Variants in SMARCAL1 observed in about 807,000 individuals in gnomAD.
SMARCAL1 encodes SNF2 related chromatin remodeling annealing helicase 1.
SMARCAL1 carries 58 observed loss-of-function variants against 94.5 expected under a neutral mutation model. The ratio of observed to expected loss-of-function variants is 0.61; its 90% confidence interval spans 0.50 to 0.76. SMARCAL1 has a LOEUF of 0.76. Ranked by LOEUF, SMARCAL1 falls within the 30% of genes least tolerant of loss-of-function variation. SMARCAL1 has a pLI of 0.00. For missense variants in SMARCAL1, 1,051 were observed against 1,177.9 expected (o/e 0.89, Z 1.58); for synonymous variants, 422 against 455.1 (o/e 0.93, Z 0.93).
At chr2:216,417,758 A>G (rs1693631745) in intron 4 of SMARCAL1, among the ~76,000 whole-genome samples, 1 of 152,166 alleles carries the variant, frequency 6.6e-6, no homozygotes, top group Admixed American at 6.5e-5. Context: ...GGCTCTGGAT[A>G]AAGATTGCAG....
intron 13 of SMARCAL1, among the ~76,000 whole-genome samples, chr2:216,464,892 T>C (rs748494979): frequency 1.2e-4 from 18 of 152,156 alleles, no homozygotes; most frequent in Non-Finnish European, 2.2e-4. Flanking sequence ...ATGCCTGTAA[T>C]CCCAGCACTT....
At chr2:216,468,757 G>C (rs1694889545) in intron 14 of SMARCAL1, among the ~76,000 whole-genome samples, 1 of 152,092 alleles carries the variant, frequency 6.6e-6, no homozygotes, top group African/African-American at 2.4e-5. Flanking sequence ...GTCTTGCTGT[G>C]TTGCCCATGC....
Position 216,432,716 on chromosome 2 carries a change from A to G in SMARCAL1, c.1335-2A>G. ...TGCCATCCTCACCTTGTCTGCCTTC[A>G]GTTTTGCCATAGCCAAAGGAGGCCG... On this transcript the variant is annotated splice_acceptor_variant, in intron 7 of 17. Transcript: ENST00000357276. LOFTEE classifies it high-confidence loss of function. The G allele has an allele frequency of 1.2e-6, 2 of 1,614,066 alleles. No individual in the cohort carries two copies. Among genetic ancestry groups the G allele is most frequent in the Non-Finnish European group, 1.7e-6 (2 of 1,180,024 alleles).
At chr2:216,470,569 C>G (rs1036055983) in intron 14 of SMARCAL1, among the ~76,000 whole-genome samples, 7 of 151,088 alleles carry the variant, frequency 4.6e-5, no homozygotes, top group African/African-American at 1.7e-4. Context: ...CTCACTGAAG[C>G]CTAAACCTCC....
At chr2:216,464,974 C>G (rs1210836047) in intron 13 of SMARCAL1, among the ~76,000 whole-genome samples, 1 of 152,018 alleles carries the variant, frequency 6.6e-6, no homozygotes, top group Non-Finnish European at 1.5e-5. Context: ...AGTGAGACCC[C>G]ATTTATACAA....
chr2:216,432,900 A>G (rs752568407), intron 8 of SMARCAL1, 32 bp downstream of exon 8: 3 of 1,613,746 alleles, frequency 1.9e-6, no homozygotes, highest in Non-Finnish European at 1.7e-6. Context: ...GTTTTCACAG[A>G]GAAGGTTTTC....
chr2:216,422,182 G>T (rs1275625182), intron 5 of SMARCAL1, among the ~76,000 whole-genome samples: 1 of 152,100 alleles, frequency 6.6e-6, no homozygotes, highest in Non-Finnish European at 1.5e-5. Flanking sequence ...AGGAGTTCGA[G>T]ACCAGCCTGG....
chr2:216,462,399 C>G (rs1397702771), intron 12 of SMARCAL1, among the ~76,000 whole-genome samples: 2 of 152,140 alleles, frequency 1.3e-5, no homozygotes, highest in African/African-American at 4.8e-5. Context: ...GTAAGCCTGC[C>G]CTGCCCCTTT....
At position 216,415,413 on chromosome 2, in the gene SMARCAL1, C is replaced by G; in HGVS notation, c.709C>G (p.Gln237Glu). The part of the protein sequence containing the change: ...GSSVQKGVNS[Q>E]KGKCVRNGDR... ...CTCAGTCCAAAAAGGAGTGAACTCT[C>G]AGAAGGGAAAGTGCGTAAGGAACGG... Residue 237 changes from glutamine to glutamate, a missense_variant, in exon 3 of 18, where the codon CAG becomes GAG. Transcript: ENST00000357276. 2 of 1,614,196 alleles carry G rather than the reference C, an allele frequency of 1.2e-6. No individual in the cohort carries two copies. Among genetic ancestry groups the G allele is most frequent in the East Asian group, 2.2e-5 (1 of 44,886 alleles).
chr2:216,443,440 C>T (rs1255366409), intron 10 of SMARCAL1, among the ~76,000 whole-genome samples: 2 of 150,186 alleles, frequency 1.3e-5, no homozygotes, highest in Admixed American at 6.6e-5. Context: ...GATATATTCT[C>T]ATTATAATAT....
Position 216,482,373 on chromosome 2 carries a change from G to A in SMARCAL1, c.2626-365G>A, listed in dbSNP as rs549608251. 6.6e-6 allele frequency among the ~76,000 whole-genome samples: 1 copy of A among 152,304 alleles called. No individual in the cohort carries two copies. Among genetic ancestry groups the A allele is most frequent in the South Asian group, 2.1e-4 (1 of 4,826 alleles). ...CCTTAACTGACCCTTAGTAGAGAAA[G>A]GCTTTGGAGGAAGTGAGATCTTGGG... On this transcript the variant is annotated intron_variant, in intron 17 of 17. Transcript: ENST00000357276. This position sits in a 1 kb window ranked among gnomAD's most constrained non-coding sequence, Gnocchi z 4.3.
intron 11 of SMARCAL1, among the ~76,000 whole-genome samples, chr2:216,447,782 T>C (rs567640044): frequency 6.6e-6 from 1 of 152,312 alleles, no homozygotes; most frequent in African/African-American, 2.4e-5. Flanking sequence ...GGACCTACAG[T>C]CGGCACTCCA....
chr2:216,475,387 A>G lies in SMARCAL1; in HGVS notation c.2363A>G (p.Asn788Ser), dbSNP rs1480568232. Residue 788 changes from asparagine to serine, a missense_variant, in exon 15 of 18, where the codon AAT becomes AGT. Transcript: ENST00000357276. The surrounding 1 kb of genome is among the most constrained non-coding windows in gnomAD (Gnocchi z 4.4). ...AVAVLSITAA[N>S]MGLTFSSADL... The stretch of plus-strand genomic sequence containing the variant: ...GCCGTGCTGTCCATCACCGCTGCCA[A>G]TATGGGCCTCACCTTCTCCTCGGCT... 3.7e-6 allele frequency: 6 copies of G among 1,614,050 alleles called. No homozygotes were observed. Among genetic ancestry groups the G allele is most frequent in the East Asian group, 2.2e-5 (1 of 44,886 alleles).
At chr2:216,465,554 A>G (rs1694813950) in intron 13 of SMARCAL1, among the ~76,000 whole-genome samples, 1 of 152,264 alleles carries the variant, frequency 6.6e-6, no homozygotes, top group Non-Finnish European at 1.5e-5. Flanking sequence ...AATTAAAGCT[A>G]AAGTAATAAT....
At chr2:216,422,445 C>T (rs541808730) in intron 5 of SMARCAL1, among the ~76,000 whole-genome samples, 1 of 152,294 alleles carries the variant, frequency 6.6e-6, no homozygotes, top group African/African-American at 2.4e-5. Context: ...GGTCTGCATT[C>T]TGGGAGTGGG....
At chr2:216,439,953 A>G (rs1694162673) in intron 10 of SMARCAL1, among the ~76,000 whole-genome samples, 1 of 151,984 alleles carries the variant, frequency 6.6e-6, no homozygotes, top group South Asian at 2.1e-4. Flanking sequence ...GAGGCAGGAG[A>G]ATCGCTTGAA....
chr2:216,464,431 T>C lies in SMARCAL1; in HGVS notation c.2071-166T>C, dbSNP rs150984009. ...GACAAAACCCGACCCAGGCAGTTCT[T>C]CTGACTTGGCCAAAGTGAAAGGGGA... On this transcript the variant is annotated intron_variant, in intron 12 of 17. Coordinates refer to ENST00000357276, the MANE Select transcript of SMARCAL1 (RefSeq NM_014140.4). 8.0e-3 allele frequency among the ~76,000 whole-genome samples: 1,221 copies of C among 152,296 alleles called. 7 individuals carry two copies. Among genetic ancestry groups the C allele is most frequent in the Non-Finnish European group, 0.013 (916 of 68,018 alleles).
intron 14 of SMARCAL1, among the ~76,000 whole-genome samples, chr2:216,473,697 G>A (rs1382642734): frequency 1.3e-5 from 2 of 152,036 alleles, no homozygotes; most frequent in African/African-American, 4.8e-5. Context: ...AAAGAGACAG[G>A]AAAAAGTAGA....
At chr2:216,455,371 G>T (rs1694541307) in intron 12 of SMARCAL1, among the ~76,000 whole-genome samples, 1 of 152,230 alleles carries the variant, frequency 6.6e-6, no homozygotes, top group African/African-American at 2.4e-5. Context: ...CCAGCATGGA[G>T]TTTGAGATCT....
Sources: gnomAD v4.1 joint callset for allele counts (sites outside exome capture counted in the v4.1 genomes callset) on GRCh38, gnomAD v4.1.1 for gene constraint, Gnocchi (gnomAD v3.1) non-coding constraint, MANE v1.5 for transcripts, NCBI Gene and HGNC (gene_info 2026-07-23, HGNC 2026-07-21) for gene names.